Variants in NUDT2 observed in about 807,000 individuals in gnomAD.
NUDT2 encodes the protein nudix hydrolase 2, also known as bis(5'-nucleosyl)-tetraphosphatase [asymmetrical].
A neutral mutation model predicts 14.2 loss-of-function variants in NUDT2; 12 were observed. The ratio of observed to expected loss-of-function variants is 0.84; its 90% CI spans 0.54 to 1.37. The LOEUF is 1.37. Ranked by LOEUF, NUDT2 falls within the 40% of genes most tolerant of loss-of-function variation. The pLI is 0.00. For missense variants in NUDT2, 167 were observed against 176.7 expected (o/e 0.95, Z 0.31); for synonymous variants, 67 against 67.4 (o/e 0.99, Z 0.03).
intron 1 of NUDT2, among the ~76,000 whole-genome samples, chr9:34,335,223 G>A (rs1838060845): frequency 6.6e-6 from 1 of 152,188 alleles, no homozygotes; most frequent in African/African-American, 2.4e-5. Context: ...ATGAGTTCCA[G>A]TTGTCCTTGT....
At chr9:34,338,507 C>CAA (rs138767351) in intron 2 of NUDT2, among the ~76,000 whole-genome samples, 77 of 120,450 alleles carry the variant, frequency 6.4e-4, no homozygotes, top group Admixed American at 1.4e-3. Context: ...GACCCTGTCT[C>CAA]AAAAAAAAAA....
intron 1 of NUDT2, among the ~76,000 whole-genome samples, chr9:34,334,935 G>A (rs1015605132): frequency 5.3e-5 from 8 of 152,184 alleles, no homozygotes; most frequent in Admixed American, 2.6e-4. Context: ...ACACTGTGAA[G>A]GACAGAGCAG....
chr9:34,339,018 G>A lies in NUDT2; in HGVS notation c.-16-6G>A, dbSNP rs370422239. 249 of 1,601,126 alleles carry A rather than the reference G, an allele frequency of 1.6e-4. 3 individuals are homozygous for A. In the African/African-American group the frequency reaches 2.8e-3, roughly 18 times the overall value. ...CTTCCCAATATTCTGTATCTTCTTT[G>A]TTAAGTCCTTAGGATAAGACCATGG... is the stretch of plus-strand genomic sequence containing the variant. On this transcript the variant is annotated splice_polypyrimidine_tract_variant and splice_region_variant and intron_variant, in intron 3 of 4. Coordinates refer to ENST00000379158, the MANE Select transcript of NUDT2 (RefSeq NM_001161.5).
intron 1 of NUDT2, among the ~76,000 whole-genome samples, chr9:34,335,864 T>C (rs1838076202): frequency 6.6e-6 from 1 of 152,160 alleles, no homozygotes; most frequent in Non-Finnish European, 1.5e-5. Flanking sequence ...CACCGCTGCT[T>C]TCCTCTCCCC....
At chr9:34,334,369 C>T (rs1838032154) in intron 1 of NUDT2, among the ~76,000 whole-genome samples, 1 of 152,100 alleles carries the variant, frequency 6.6e-6, no homozygotes, top group African/African-American at 2.4e-5. Context: ...GTGTGAATTG[C>T]CTGCTGTCAG....
intron 2 of NUDT2, among the ~76,000 whole-genome samples, chr9:34,338,203 A>C (rs577470604): frequency 1.3e-5 from 2 of 149,272 alleles, no homozygotes; most frequent in Non-Finnish European, 3.0e-5. Context: ...AAAGACTAAA[A>C]AAAATCAGAC....
intron 2 of NUDT2, among the ~76,000 whole-genome samples, chr9:34,338,371 G>A (rs1178694179): frequency 7.8e-6 from 1 of 128,242 alleles, no homozygotes; most frequent in African/African-American, 3.0e-5. Flanking sequence ...GCCAGGCATG[G>A]TGGTGGCATG....
intron 4 of NUDT2, 63 bp from the exon 5 acceptor site, chr9:34,343,061 A>T (rs992727384): frequency 4.5e-5 from 66 of 1,479,910 alleles, no homozygotes; most frequent in Non-Finnish European, 5.8e-5. Flanking sequence ...TTGTCTGGAA[A>T]ATCCAGCTTT....
At chr9:34,334,347 C>T (rs1054297300) in intron 1 of NUDT2, among the ~76,000 whole-genome samples, 2 of 152,128 alleles carry the variant, frequency 1.3e-5, no homozygotes, top group Non-Finnish European at 2.9e-5. Flanking sequence ...GGCACTCTGC[C>T]ACTTTTTTGA....
intron 4 of NUDT2, among the ~76,000 whole-genome samples, chr9:34,341,925 C>T (rs1440759339): frequency 6.6e-6 from 1 of 152,184 alleles, no homozygotes; most frequent in East Asian, 1.9e-4. Flanking sequence ...CGCCATGAGC[C>T]TGTGAGCAGG....
intron 1 of NUDT2, among the ~76,000 whole-genome samples, chr9:34,335,967 A>G (rs888303344): frequency 6.6e-4 from 100 of 152,096 alleles, no homozygotes; most frequent in African/African-American, 2.3e-3. Context: ...TGGCAGTGGT[A>G]TGGAGTTCCT....
intron 3 of NUDT2, 56 bp from the exon 4 acceptor site, chr9:34,338,968 G>C: frequency 6.7e-7 from 1 of 1,488,548 alleles, no homozygotes; most frequent in Non-Finnish European, 9.2e-7. Flanking sequence ...CTACCCCCCA[G>C]TATGGAGCTT....
chr9:34,336,007 C>T (rs75393199), intron 1 of NUDT2, among the ~76,000 whole-genome samples: 4,978 of 152,036 alleles, frequency 0.033, 194 homozygotes, highest in East Asian at 0.16. Flanking sequence ...GCCCTCTAGT[C>T]TTGGATCCCT....
At chr9:34,333,248 C>T (rs940394870) in intron 1 of NUDT2, among the ~76,000 whole-genome samples, 7 of 152,128 alleles carry the variant, frequency 4.6e-5, no homozygotes, top group African/African-American at 7.2e-5. Flanking sequence ...TTAACATCTA[C>T]GGCCCTCTCC....
chr9:34,343,329 C>G lies in NUDT2; in HGVS notation c.333C>G (p.His111Gln). 6.2e-7 allele frequency: 1 copy of G among 1,613,720 alleles called. No homozygotes were observed. Among genetic ancestry groups the G allele is most frequent in the Non-Finnish European group, 8.5e-7 (1 of 1,179,968 alleles). ...YDVEIRLSHE[H>Q]QAYRWLGLEE... ...TGGAGATCCGCCTCTCCCATGAGCA[C>G]CAAGCCTACCGCTGGCTGGGGCTGG... Residue 111 changes from histidine (H) to glutamine (Q), a missense_variant, in exon 5 of 5, where the codon CAC (histidine) becomes CAG (glutamine). Coordinates refer to ENST00000379158, the MANE Select transcript of NUDT2 (RefSeq NM_001161.5).
rs143397666 is a variant in NUDT2 at position 34,340,893 on chromosome 9, G to T, written c.127+1727G>T. On this transcript the variant is annotated intron_variant, in intron 4 of 4. Transcript: ENST00000379158. ...GGGTCTTACTATATTGCCCAGGCTG[G>T]TCTTGAACTCCTGGGCTCAAGTGAT... 1.9e-4 allele frequency among the ~76,000 whole-genome samples: 29 copies of T among 152,180 alleles called. No homozygotes were observed. In the East Asian group the frequency reaches 5.6e-3, roughly 29 times the overall value.
intron 2 of NUDT2, among the ~76,000 whole-genome samples, chr9:34,337,899 C>T (rs1336975673): frequency 6.6e-6 from 1 of 151,738 alleles, no homozygotes; most frequent in African/African-American, 2.4e-5. Context: ...GTGCAGTGGC[C>T]CGATCTCGGC....
chr9:34,341,455 G>T (rs970089469), intron 4 of NUDT2, among the ~76,000 whole-genome samples: 1 of 152,202 alleles, frequency 6.6e-6, no homozygotes, highest in Non-Finnish European at 1.5e-5. Flanking sequence ...CTTGTGCAGA[G>T]AAAATTCCCC....
At chr9:34,338,476 C>T (rs1364857790) in intron 2 of NUDT2, among the ~76,000 whole-genome samples, 1 of 150,036 alleles carries the variant, frequency 6.7e-6, no homozygotes, top group Non-Finnish European at 1.5e-5. Flanking sequence ...CCATTGCACT[C>T]CAGCCTGGTC....
Sources: gnomAD v4.1 joint callset for allele counts (sites outside exome capture counted in the v4.1 genomes callset) on GRCh38, gnomAD v4.1.1 for gene constraint, MANE v1.5 for transcripts, NCBI Gene and HGNC (gene_info 2026-07-23, HGNC 2026-07-21) for gene names.